NTAQ1: variants seen among roughly 807,000 people sequenced by gnomAD.
NTAQ1 encodes protein N-terminal glutamine amidohydrolase.
In NTAQ1, 21 loss-of-function variants were observed where a neutral mutation model predicts 28.2. The observed-to-expected ratio is 0.74, with a 90% CI of 0.53 to 1.07. NTAQ1 has a LOEUF of 1.07. Among genes scored for constraint, NTAQ1 ranks in the 50% least tolerant of loss-of-function variants. NTAQ1 has a pLI of 0.00. For synonymous variants in NTAQ1, 105 were observed against 90.0 expected, an observed-to-expected ratio of 1.17 and a Z score of -0.94; for missense variants, 264 against 256.6, an observed-to-expected ratio of 1.03 and a Z score of -0.20.
At chr8:123,424,027 T>C (rs10956129) in intron 1 of NTAQ1, among the ~76,000 whole-genome samples, 134,192 of 148,210 alleles carry the variant, frequency 0.91, 60,876 homozygotes, top group East Asian at 0.99. Flanking sequence ...GGATTATAGG[T>C]GCATGCTCCT....
downstream of NTAQ1, among the ~76,000 whole-genome samples, chr8:123,444,562 A>C (rs1291633313): frequency 6.6e-6 from 1 of 152,198 alleles, no homozygotes; most frequent in Non-Finnish European, 1.5e-5. Context: ...GCTGGAGTGC[A>C]GTGGCATGAT....
intron 1 of NTAQ1, among the ~76,000 whole-genome samples, chr8:123,417,419 G>A (rs973257376): frequency 6.6e-6 from 1 of 152,190 alleles, no homozygotes; most frequent in African/African-American, 2.4e-5. Flanking sequence ...AACCGTAAGA[G>A]GTAGGTATTG....
At chr8:123,451,597 C>T (rs1003034740), downstream of NTAQ1, among the ~76,000 whole-genome samples, 3 of 152,180 alleles carry the variant, frequency 2.0e-5, no homozygotes, top group Non-Finnish European at 4.4e-5. Flanking sequence ...CTTCAGCCTC[C>T]CAAAATGCTG....
At chr8:123,462,864 A>C (rs1319231422) in intron 6 of NTAQ1, among the ~76,000 whole-genome samples, 1 of 152,164 alleles carries the variant, frequency 6.6e-6, no homozygotes, top group Non-Finnish European at 1.5e-5. Context: ...CAGGAACTAC[A>C]CTGTTGGTTA....
chr8:123,454,893 A>G (rs1815603360), intron 6 of NTAQ1: 1 of 152,344 alleles, frequency 6.6e-6, no homozygotes, highest in African/African-American at 2.4e-5. Context: ...ATCAGAAGCA[A>G]TGTGGGTGTC....
downstream of NTAQ1, among the ~76,000 whole-genome samples, chr8:123,449,929 A>ATGTATGTGTG (rs1554657624): frequency 4.5e-5 from 3 of 66,676 alleles, no homozygotes; most frequent in African/African-American, 1.7e-4. Context: ...GTATATATAT[A>ATGTATGTGTG]TGTGTGTGTG....
At chr8:123,455,959 T>G (rs1278833026) in intron 6 of NTAQ1, among the ~76,000 whole-genome samples, 2 of 152,124 alleles carry the variant, frequency 1.3e-5, no homozygotes, top group African/African-American at 4.8e-5. Context: ...AGCCCATTCA[T>G]GTTTGGTTGT....
chr8:123,462,047 CT>C (rs1164268380), intron 6 of NTAQ1, among the ~76,000 whole-genome samples: 2 of 152,026 alleles, frequency 1.3e-5, no homozygotes, highest in Non-Finnish European at 2.9e-5. Context: ...GGGAGGTTTT[CT>C]TTTTAAAAAT....
At chr8:123,429,951 G>A (rs1814295997) in intron 2 of NTAQ1, 32 bp from the exon 3 acceptor site, 1 of 1,530,044 alleles carries the variant, frequency 6.5e-7, no homozygotes, top group Non-Finnish European at 8.9e-7. Flanking sequence ...TTAACTAAAG[G>A]TATGGCTTAC....
intron 6 of NTAQ1, among the ~76,000 whole-genome samples, chr8:123,465,774 G>T (rs1051533303): frequency 2.0e-5 from 3 of 151,606 alleles, no homozygotes; most frequent in Non-Finnish European, 2.9e-5. Flanking sequence ...TAGAGATGGG[G>T]TTTCACCATG....
chr8:123,473,449 C>T (rs1026186208), downstream of NTAQ1, among the ~76,000 whole-genome samples: 2 of 152,132 alleles, frequency 1.3e-5, no homozygotes, highest in African/African-American at 4.8e-5. Flanking sequence ...GCACATGCCA[C>T]CACACCTGGC....
Position 123,426,238 on chromosome 8 carries a change from C to T in NTAQ1, c.84-1686C>T, listed in dbSNP as rs1038284856. Among the ~76,000 whole-genome samples the T allele has an allele frequency of 5.3e-5, 8 of 152,300 alleles. No homozygotes were observed. The South Asian group carries it at 1.7e-3, about 32-fold the overall frequency. ...CTGCTCTGTTTGATGTACTACTGGG[C>T]ATCACTTTACTTAGGTGGGTTCTGA... is the stretch of plus-strand genomic sequence containing the variant. On this transcript the variant is annotated intron_variant, in intron 1 of 5. Transcript: ENST00000287387.
intron 6 of NTAQ1, among the ~76,000 whole-genome samples, chr8:123,458,099 GT>G (rs34419855): frequency 0.057 from 5,162 of 91,246 alleles, 127 homozygotes; most frequent in African/African-American, 0.12. Flanking sequence ...TCCCCTCACT[GT>G]TTTTTTTTTT....
At chr8:123,432,553 T>A (rs1234791919) in intron 3 of NTAQ1, among the ~76,000 whole-genome samples, 1 of 151,872 alleles carries the variant, frequency 6.6e-6, no homozygotes, top group Non-Finnish European at 1.5e-5. Flanking sequence ...GAGAATTGCT[T>A]GAACCTGGGA....
exon 7 of NTAQ1, among the ~76,000 whole-genome samples, chr8:123,468,923 G>A (rs1449731813): frequency 7.9e-5 from 12 of 152,188 alleles, no homozygotes; most frequent in Admixed American, 7.9e-4. Flanking sequence ...CCTAATGGGA[G>A]TGAGGTGATA....
downstream of NTAQ1, among the ~76,000 whole-genome samples, chr8:123,443,576 G>A (rs1004190612): frequency 3.3e-5 from 5 of 152,094 alleles, no homozygotes; most frequent in Non-Finnish European, 7.4e-5. Flanking sequence ...TTGAAGCCAA[G>A]CCCACCTTTT....
chr8:123,449,929 A>ATG (rs368162793), downstream of NTAQ1, among the ~76,000 whole-genome samples: 55 of 66,684 alleles, frequency 8.2e-4, 3 homozygotes, highest in Middle Eastern at 8.5e-3. Context: ...GTATATATAT[A>ATG]TGTGTGTGTG....
Position 123,416,845 on chromosome 8 carries a change from C to T in NTAQ1, c.-5C>T. ...CGGCCCGGGCCCTGGCCCAGCTAGC[C>T]GGCCATGGAAGGTAATGGCCCCGCT... On this transcript the variant is annotated 5_prime_UTR_variant, in exon 1 of 6. Transcript: ENST00000287387. 8.5e-6 allele frequency: 13 copies of T among 1,526,438 alleles called. No homozygotes were observed. The highest frequency in any genetic ancestry group is 2.6e-5 in the East Asian group (1 of 37,914). 94.6% of individuals were successfully genotyped at this position (1,526,438 alleles called of 1,614,324 possible).
chr8:123,427,884 A>G lies in NTAQ1; in HGVS notation c.84-40A>G, dbSNP rs762051664. ...TTGTTCAAATTTAAAAGACACATAG[A>G]ATGTTCTCTAATCTTGATTAAACAA... On this transcript the variant is annotated intron_variant, in intron 1 of 5. Transcript: ENST00000287387. 8.7e-6 allele frequency: 13 copies of G among 1,491,730 alleles called. No homozygotes were observed. The Middle Eastern group carries it at 6.2e-4, about 71-fold the overall frequency. 92.4% of individuals were successfully genotyped at this position (1,491,730 alleles called of 1,614,324 possible).
Sources: gnomAD v4.1 joint callset for allele counts (sites outside exome capture counted in the v4.1 genomes callset) on GRCh38, gnomAD v4.1.1 for gene constraint, MANE v1.5 for transcripts, NCBI Gene and HGNC (gene_info 2026-07-23, HGNC 2026-07-21) for gene names.